The following PDE4D variants were observed in gnomAD, a reference collection of about 807,000 sequenced individuals.
PDE4D encodes phosphodiesterase 4D, also known as 3',5'-cyclic-AMP phosphodiesterase 4D.
In PDE4D, 24 loss-of-function variants were observed where a neutral mutation model predicts 87.4. The ratio of observed to expected loss-of-function variants is 0.27; its 90% CI spans 0.20 to 0.39. The LOEUF (loss-of-function observed/expected upper bound fraction) is 0.39, where lower values mean the gene tolerates loss of function less well. Ranked by LOEUF, PDE4D falls within the 10% of genes least tolerant of loss-of-function variation. The pLI is 1.00. For synonymous variants in PDE4D, 384 were observed against 383.2 expected, an observed-to-expected ratio of 1.00 and a Z score of -0.02; for missense variants, 714 against 1,041.0, an observed-to-expected ratio of 0.69 and a Z score of 4.32.
At chr5:59,523,577 C>T (rs1812593838) in intron 1 of PDE4D, among the ~76,000 whole-genome samples, 2 of 152,202 alleles carry the variant, frequency 1.3e-5, no homozygotes, top group African/African-American at 4.8e-5. Flanking sequence ...CTTACTAATA[C>T]AGAAAGTAGA....
At chr5:59,659,445 A>G (rs563377592) in intron 1 of PDE4D, among the ~76,000 whole-genome samples, 2 of 152,374 alleles carry the variant, frequency 1.3e-5, no homozygotes, top group East Asian at 1.9e-4. Context: ...TCTGTAAGCT[A>G]GCTGAGTGGA....
At chr5:59,427,671 A>G (rs182458035) in intron 1 of PDE4D, among the ~76,000 whole-genome samples, 8 of 152,222 alleles carry the variant, frequency 5.3e-5, no homozygotes, top group Admixed American at 4.6e-4. Context: ...CAGTCTCTCT[A>G]AAAACAAACA....
chr5:60,083,503 A>T (rs1774200492), intron 2 of PDE4D, among the ~76,000 whole-genome samples: 1 of 152,248 alleles, frequency 6.6e-6, no homozygotes, highest in Non-Finnish European at 1.5e-5. Context: ...TTGGCACAAT[A>T]AATTTGTATG....
chr5:59,095,952 G>A (rs74363614), intron 5 of PDE4D, among the ~76,000 whole-genome samples: 1,764 of 152,176 alleles, frequency 0.012, 36 homozygotes, highest in African/African-American at 0.037. Context: ...TAAGTGTTCC[G>A]TATTTATTTC....
chr5:60,100,742 A>G (rs544723420), intron 2 of PDE4D, among the ~76,000 whole-genome samples: 2 of 152,194 alleles, frequency 1.3e-5, no homozygotes, highest in East Asian at 1.9e-4. Context: ...GAGTTTATGC[A>G]CTAAATGGTT....
At chr5:60,207,444 A>G (rs1742679659) in intron 1 of PDE4D, among the ~76,000 whole-genome samples, 1 of 152,222 alleles carries the variant, frequency 6.6e-6, no homozygotes, top group African/African-American at 2.4e-5. Flanking sequence ...CAGAGGATGA[A>G]TAACATGGAG....
At chr5:59,765,065 T>C (rs536475429) in intron 1 of PDE4D, among the ~76,000 whole-genome samples, 7 of 152,328 alleles carry the variant, frequency 4.6e-5, no homozygotes, top group Admixed American at 4.6e-4. Flanking sequence ...ATGCCAAGCA[T>C]GGGTATACCA....
At position 58,999,503 on chromosome 5, in the gene PDE4D, A is replaced by G. The variant is rs550606763; in HGVS notation, c.922-6038T>C. 6.5e-6 allele frequency: 10 copies of G among 1,532,150 alleles called. No homozygotes were observed. The African/African-American group carries it at 9.6e-5, about 15-fold the overall frequency. The allele number at this position is 1,532,150 out of a possible 1,614,324, so 94.9% of individuals were successfully genotyped here. ...GTAAGTCTTACCTTTATGTAGCCCC[A>G]AGACACTGACAGTAAATAGTTTGCT... On this transcript the variant is annotated intron_variant, in intron 6 of 14. Transcript: ENST00000340635.
intron 1 of PDE4D, among the ~76,000 whole-genome samples, chr5:60,313,575 C>A (rs986631012): frequency 3.9e-5 from 6 of 152,180 alleles, no homozygotes; most frequent in African/African-American, 1.2e-4. Flanking sequence ...TCCTCCCTAA[C>A]TCATTTTATG....
chr5:59,368,223 A>G (rs1783389538), intron 1 of PDE4D, among the ~76,000 whole-genome samples: 1 of 152,208 alleles, frequency 6.6e-6, no homozygotes, highest in Non-Finnish European at 1.5e-5. Flanking sequence ...AGAACTTCCT[A>G]AAATAGGAAA....
intron 5 of PDE4D, among the ~76,000 whole-genome samples, chr5:59,156,594 A>G (rs539852171): frequency 1.3e-5 from 2 of 151,962 alleles, no homozygotes; most frequent in Non-Finnish European, 2.9e-5. Context: ...TGTTAAAAAA[A>G]TTATCTGAAA....
At chr5:59,860,658 C>A (rs1746122519) in intron 1 of PDE4D, among the ~76,000 whole-genome samples, 1 of 152,190 alleles carries the variant, frequency 6.6e-6, no homozygotes, top group African/African-American at 2.4e-5. Context: ...ATTTAACTGG[C>A]TTTTAGTCAC....
At chr5:59,098,644 C>T (rs1770184961) in intron 5 of PDE4D, among the ~76,000 whole-genome samples, 1 of 124,856 alleles carries the variant, frequency 8.0e-6, no homozygotes, top group Non-Finnish European at 1.6e-5. Flanking sequence ...GCTAAGGCTG[C>T]AGTAAGCCCT....
rs776044898 is a variant in PDE4D at position 59,808,158 on chromosome 5, G to A, written c.455+85010C>T. ...CCAAACCCAGCTCTGTTCTGCTCAG[G>A]AAACAGGCTTCCTGAGCCCCCATGG... is the stretch of plus-strand genomic sequence containing the variant. On this transcript the variant is annotated intron_variant, in intron 1 of 14. Coordinates refer to ENST00000340635, the MANE Select transcript of PDE4D (RefSeq NM_001104631.2). 2.6e-5 allele frequency among the ~76,000 whole-genome samples: 4 copies of A among 152,196 alleles called. No homozygotes were observed. The East Asian group carries it at 7.7e-4, about 29-fold the overall frequency.
In PDE4D at chr5:59,927,957, A is replaced by G. The variant is rs72753210; in HGVS notation, c.272+60531T>C. On this transcript the variant is annotated intron_variant, in intron 3 of 16. Coordinates refer to the PDE4D transcript ENST00000502484. ...GAGCTGATTTCTTAAACTGTATTTC[A>G]TTTTGTTTATATGCTTGGTGTAAAA... 8.8e-3 allele frequency among the ~76,000 whole-genome samples: 1,342 copies of G among 152,298 alleles called. 11 individuals carry two copies. The highest frequency in any genetic ancestry group is 0.015 in the Non-Finnish European group (1,015 of 68,020).
chr5:59,155,545 A>G (rs1174827002), intron 5 of PDE4D, among the ~76,000 whole-genome samples: 1 of 152,214 alleles, frequency 6.6e-6, no homozygotes, highest in African/African-American at 2.4e-5. Context: ...AACTTGACTG[A>G]AAAGAGAAGA....
chr5:59,365,886 GA>G (rs1008438307), intron 1 of PDE4D, among the ~76,000 whole-genome samples: 21 of 151,926 alleles, frequency 1.4e-4, no homozygotes, highest in Non-Finnish European at 2.5e-4. Flanking sequence ...TACACATAAA[GA>G]AAAAAATAAG....
intron 3 of PDE4D, among the ~76,000 whole-genome samples, chr5:59,908,124 T>C (rs1753032519): frequency 6.6e-6 from 1 of 152,074 alleles, no homozygotes; most frequent in Non-Finnish European, 1.5e-5. Context: ...GTTGATGAAA[T>C]TAAAGACTTG....
intron 1 of PDE4D, among the ~76,000 whole-genome samples, chr5:59,481,646 T>C (rs1804278998): frequency 6.6e-6 from 1 of 152,136 alleles, no homozygotes; most frequent in South Asian, 2.1e-4. Context: ...TCCACACTTC[T>C]GTGGTCTCCT....
Sources: allele counts gnomAD v4.1 joint callset (sites outside exome capture counted in the v4.1 genomes callset), GRCh38; gene constraint gnomAD v4.1.1; transcripts MANE v1.5; gene names NCBI Gene and HGNC (gene_info 2026-07-23, HGNC 2026-07-21).